The following ACTR3B variants were observed in gnomAD, a reference collection of about 807,000 sequenced individuals.
ACTR3B encodes actin related protein 3B, also known as actin-related protein 3B.
In ACTR3B, 8 loss-of-function variants were observed where a neutral mutation model predicts 59.0. The ratio of observed to expected loss-of-function variants is 0.14; its 90% CI spans 0.08 to 0.24. The LOEUF (loss-of-function observed/expected upper bound fraction) is 0.24. ACTR3B is among the 10% of genes least tolerant of loss of function. The pLI, the probability that ACTR3B is intolerant of heterozygous loss-of-function variation, is 1.00. For missense variants in ACTR3B, 245 were observed against 552.3 expected (o/e 0.44, Z 5.58); for synonymous variants, 148 against 197.9 (o/e 0.75, Z 2.12).
At chr7:152,800,436 A>T in intron 2 of ACTR3B, 95 bp from the exon 3 acceptor site, 1 of 1,479,564 alleles carries the variant, frequency 6.8e-7, no homozygotes, top group Non-Finnish European at 9.1e-7. Flanking sequence ...TAACAATGAA[A>T]ATTTACTTGT....
intron 1 of ACTR3B, among the ~76,000 whole-genome samples, chr7:152,760,293 C>T (rs1373226165): frequency 4.0e-5 from 6 of 151,880 alleles, no homozygotes; most frequent in African/African-American, 1.2e-4. Flanking sequence ...GGGATCTCCC[C>T]TCCTAGGAAT....
chr7:152,843,862 CTATT>C (rs1248933360), intron 9 of ACTR3B, among the ~76,000 whole-genome samples: 1 of 152,058 alleles, frequency 6.6e-6, no homozygotes, highest in Non-Finnish European at 1.5e-5. Flanking sequence ...TAAATACACA[CTATT>C]TAGTAGTAAA....
At chr7:152,806,714 C>T in intron 4 of ACTR3B, among the ~76,000 whole-genome samples, 1 of 151,836 alleles carries the variant, frequency 6.6e-6, no homozygotes, top group East Asian at 1.9e-4. Flanking sequence ...AAGGAGCTTT[C>T]CTGGCAACCA....
intron 4 of ACTR3B, among the ~76,000 whole-genome samples, chr7:152,804,815 G>C (rs1323937259): frequency 6.6e-6 from 1 of 151,858 alleles, no homozygotes; most frequent in Non-Finnish European, 1.5e-5. Context: ...GTGGAAGCAC[G>C]CATTGTTTGT....
chr7:152,820,641 A>T (rs1796073545), intron 7 of ACTR3B, among the ~76,000 whole-genome samples, 199 bp downstream of exon 7: 1 of 152,202 alleles, frequency 6.6e-6, no homozygotes, highest in African/African-American at 2.4e-5. Flanking sequence ...TTGAGGTTTC[A>T]GCTGTCACTG....
At chr7:152,783,543 GTC>G (rs2098161807) in intron 2 of ACTR3B, among the ~76,000 whole-genome samples, 1 of 151,818 alleles carries the variant, frequency 6.6e-6, no homozygotes, top group South Asian at 2.1e-4. Context: ...AGTACATACA[GTC>G]TGTTAGCTTA....
intron 9 of ACTR3B, among the ~76,000 whole-genome samples, chr7:152,843,347 A>G (rs1230559764): frequency 6.6e-6 from 1 of 152,182 alleles, no homozygotes; most frequent in African/African-American, 2.4e-5. Flanking sequence ...ATAAATTTTG[A>G]GTTAATTTGT....
chr7:152,782,641 A>G (rs1374236350), intron 1 of ACTR3B, among the ~76,000 whole-genome samples: 2 of 151,850 alleles, frequency 1.3e-5, no homozygotes, highest in African/African-American at 4.8e-5. Flanking sequence ...TAAGAAAATT[A>G]TATAATCATT....
intron 9 of ACTR3B, among the ~76,000 whole-genome samples, chr7:152,833,530 T>C (rs1402240340): frequency 6.6e-6 from 1 of 152,208 alleles, no homozygotes; most frequent in Non-Finnish European, 1.5e-5. Flanking sequence ...GGAAGGCGTG[T>C]CTGTGAGCGG....
chr7:152,840,485 A>C (rs536367064), intron 9 of ACTR3B, among the ~76,000 whole-genome samples: 1 of 152,042 alleles, frequency 6.6e-6, no homozygotes, highest in Non-Finnish European at 1.5e-5. Flanking sequence ...TGCTTCTTTC[A>C]GGCCCCAGCA....
intron 9 of ACTR3B, among the ~76,000 whole-genome samples, chr7:152,837,357 A>ACACTCT (rs1350579021): frequency 6.6e-6 from 1 of 152,252 alleles, no homozygotes; most frequent in African/African-American, 2.4e-5. Flanking sequence ...CTCACTCTGA[A>ACACTCT]GGTGAAACAA....
chr7:152,765,128 TTTTC>T (rs1379291852), intron 1 of ACTR3B, among the ~76,000 whole-genome samples: 666 of 56,644 alleles, frequency 0.012, 5 homozygotes, highest in African/African-American at 0.04. Flanking sequence ...TTTTTTTTTT[TTTTC>T]CGGAGACAGA....
chr7:152,848,620 C>A (rs1330340081), intron 9 of ACTR3B, among the ~76,000 whole-genome samples: 2 of 152,178 alleles, frequency 1.3e-5, no homozygotes, highest in Admixed American at 6.5e-5. Context: ...CATCGGCCAG[C>A]GTGGCCAATC....
chr7:152,843,374 A>G (rs1284560717), intron 9 of ACTR3B, among the ~76,000 whole-genome samples: 1 of 152,250 alleles, frequency 6.6e-6, no homozygotes, highest in Non-Finnish European at 1.5e-5. Context: ...GAAATGAGAA[A>G]GTAAATAAAT....
chr7:152,851,680 CT>C (rs1451666726), intron 9 of ACTR3B, among the ~76,000 whole-genome samples: 1 of 152,214 alleles, frequency 6.6e-6, no homozygotes, highest in Non-Finnish European at 1.5e-5. Context: ...CTTCCGGTAA[CT>C]TGGATGCTTT....
chr7:152,772,905 G>T (rs1349323754), intron 1 of ACTR3B, among the ~76,000 whole-genome samples: 1 of 151,948 alleles, frequency 6.6e-6, no homozygotes, highest in African/African-American at 2.4e-5. Flanking sequence ...GGGGGATTAG[G>T]TTAGGTTTGG....
intron 2 of ACTR3B, among the ~76,000 whole-genome samples, chr7:152,785,527 G>GAGAGAT (rs1260997106): frequency 1.2e-4 from 17 of 138,810 alleles, no homozygotes; most frequent in African/African-American, 4.1e-4. Flanking sequence ...AGAAGAGAGA[G>GAGAGAT]AAGAGAGGCA....
At chr7:152,848,161 G>A (rs113229914) in intron 9 of ACTR3B, among the ~76,000 whole-genome samples, 2 of 152,234 alleles carry the variant, frequency 1.3e-5, no homozygotes, top group Admixed American at 6.5e-5. Flanking sequence ...GGGTGTTACA[G>A]TAAGAAGCAG....
intron 9 of ACTR3B, among the ~76,000 whole-genome samples, chr7:152,847,599 C>T (rs553823872): frequency 1.6e-4 from 25 of 152,194 alleles, no homozygotes; most frequent in East Asian, 1.5e-3. Context: ...CCAATATACA[C>T]GGATGAAGTA....
Sources: gnomAD v4.1 joint callset for allele counts (sites outside exome capture counted in the v4.1 genomes callset) on GRCh38, gnomAD v4.1.1 for gene constraint, MANE v1.5 for transcripts, NCBI Gene and HGNC (gene_info 2026-07-23, HGNC 2026-07-21) for gene names.